The following TARBP1 variants were observed in gnomAD, a reference collection of about 807,000 sequenced individuals.
TARBP1 encodes tRNA guanosine 2 -O-methyltransferase TARBP1, also known as tRNA (guanosine(18)-2'-O)-methyltransferase TARBP1.
A neutral mutation model predicts 178.6 loss-of-function variants in TARBP1; 144 were observed. That is an observed-to-expected ratio of 0.81 (90% CI 0.70 to 0.93). TARBP1 has a LOEUF of 0.93. Among genes scored for constraint, TARBP1 ranks in the 40% least tolerant of loss-of-function variants. TARBP1 has a pLI of 0.00. For synonymous variants in TARBP1, 787 were observed against 781.0 expected (o/e 1.01, Z -0.13); for missense variants, 2,067 against 2,011.7 (o/e 1.03, Z -0.53).
Position 234,391,591 on chromosome 1 carries a change from C to G in TARBP1, c.4852G>C (p.Asp1618His). ...YTRQQLLSHG[D>H]TKP ...AGGAAGGCACATCATGGCTTGGTAT[C>G]TCCGTGCGAGAGCAGCTGCTGCCTG... The change falls in exon 30 of 30, where the codon GAT becomes CAT. Residue 1618 changes from aspartate to histidine, a missense_variant. By Grantham distance (81) the Asp-to-His change is moderately conservative (BLOSUM62 -1). Transcript: ENST00000040877. 6.2e-7 allele frequency: 1 copy of G among 1,611,650 alleles called. No individual in the cohort carries two copies. Among genetic ancestry groups the G allele is most frequent in the Non-Finnish European group, 8.5e-7 (1 of 1,178,950 alleles).
At chr1:234,412,619 T>C (rs889930748) in intron 22 of TARBP1, among the ~76,000 whole-genome samples, 30 of 152,130 alleles carry the variant, frequency 2.0e-4, no homozygotes, top group Admixed American at 3.3e-4. Flanking sequence ...CAGTGATCTA[T>C]AATTGCCGGG....
intron 28 of TARBP1, 119 bp downstream of exon 28, chr1:234,393,243 T>C (rs750524336): frequency 9.2e-7 from 1 of 1,086,580 alleles, no homozygotes; most frequent in Non-Finnish European, 1.2e-6. Context: ...TACACAAAGA[T>C]AGAGCACTAT....
At chr1:234,420,410 A>C (rs1190956116) in intron 21 of TARBP1, among the ~76,000 whole-genome samples, 1 of 152,208 alleles carries the variant, frequency 6.6e-6, no homozygotes, top group African/African-American at 2.4e-5. Flanking sequence ...TTTTCTAATC[A>C]AATGGCAAAT....
At chr1:234,430,449 G>A (rs2236588) in intron 14 of TARBP1, 148 bp from the exon 15 acceptor site, 84,460 of 673,856 alleles carry the variant, frequency 0.13, 6,170 homozygotes, top group Middle Eastern at 0.27. Context: ...AGGAAATCCA[G>A]TACACATCAT....
intron 2 of TARBP1, 65 bp from the exon 3 acceptor site, chr1:234,471,322 T>C: frequency 2.8e-6 from 3 of 1,063,048 alleles, no homozygotes; most frequent in Non-Finnish European, 4.3e-6. Context: ...CAGGCAATTT[T>C]CATCTCTTTA....
Position 234,430,185 on chromosome 1 carries a change from G to A in TARBP1, c.2511C>T (p.Pro837=). 1 of 1,614,196 alleles carries A rather than the reference G, an allele frequency of 6.2e-7. No individual in the cohort carries two copies. The highest frequency in any genetic ancestry group is 8.5e-7 in the Non-Finnish European group (1 of 1,180,036). The part of the protein sequence containing the change: ...ELQLDSLHAG[P]LESFLSSLQL... ...GAAGAGAGGAAAGGAAGCTTTCCAG[G>A]GGCCCAGCATGGAGAGAGTCCAGCT... The change falls in exon 15 of 30, where the codon CCC becomes CCT. Residue 837 remains proline, a synonymous_variant. Coordinates refer to ENST00000040877, the MANE Select transcript of TARBP1 (RefSeq NM_005646.4).
chr1:234,443,941 T>C (rs1038881555), intron 12 of TARBP1, among the ~76,000 whole-genome samples: 16 of 152,160 alleles, frequency 1.1e-4, no homozygotes, highest in African/African-American at 3.1e-4. Context: ...AGAATGGTGA[T>C]TGCCAGGGCC....
intron 9 of TARBP1, among the ~76,000 whole-genome samples, chr1:234,454,824 G>A (rs1036455771): frequency 1.3e-5 from 2 of 152,186 alleles, no homozygotes; most frequent in African/African-American, 4.8e-5. Flanking sequence ...ACCTGTGAAT[G>A]TTACCTTATG....
intron 4 of TARBP1, among the ~76,000 whole-genome samples, chr1:234,466,262 A>C (rs1668421265): frequency 6.6e-6 from 1 of 152,216 alleles, no homozygotes; most frequent in Admixed American, 6.5e-5. Flanking sequence ...CTATAATCCC[A>C]GCACTTTGGG....
chr1:234,450,190 T>C (rs530753885), intron 10 of TARBP1, among the ~76,000 whole-genome samples: 2 of 152,254 alleles, frequency 1.3e-5, no homozygotes, highest in African/African-American at 4.8e-5. Context: ...GGCAACTTAT[T>C]AGTTTCCTTA....
At chr1:234,430,348 A>C in intron 14 of TARBP1, 47 bp from the exon 15 acceptor site, 1 of 1,555,716 alleles carries the variant, frequency 6.4e-7, no homozygotes, top group Non-Finnish European at 8.8e-7. Context: ...CACAAGTCTT[A>C]ATCAGTAATG....
rs1469898860 is a variant in TARBP1 at position 234,398,609 on chromosome 1, T to C, written c.4072-56A>G. The C allele has an allele frequency of 6.2e-6, 8 of 1,288,794 alleles. No homozygotes were observed. In the East Asian group the frequency reaches 2.1e-4, roughly 34 times the overall value. The allele number at this position is 1,288,794 out of a possible 1,614,324, so 79.8% of individuals were successfully genotyped here. A position where few individuals can be genotyped will look rare whatever the true frequency, so the allele number is the denominator to read the frequency against. ...TTCCCTTAAGAATAACAAAGAAATA[T>C]ATAACATTTAAAATACAACTTAATT... On this transcript the variant is annotated intron_variant, in intron 25 of 29. Transcript: ENST00000040877.
At position 234,401,195 on chromosome 1, in the gene TARBP1, C is replaced by A; in HGVS notation, c.4057G>T (p.Asp1353Tyr). 2 of 1,613,082 alleles carry A rather than the reference C, an allele frequency of 1.2e-6. No individual in the cohort carries two copies. Among genetic ancestry groups the A allele is most frequent in the Middle Eastern group, 1.7e-4 (1 of 6,046 alleles). Reference sequence around the variant, plus strand: ...TCTCTACTCACCTCTAGACAATAATCCTTGAGTGGGTGAAATGTTGCAAAA... The same window carrying A: ...TCTCTACTCACCTCTAGACAATAATACTTGAGTGGGTGAAATGTTGCAAAA... ...FFFATFHPLK[D>Y]YCLETIFYIL... Residue 1353 changes from aspartate (D) to tyrosine (Y), a missense_variant, in exon 25 of 30, where the codon GAT becomes TAT. Coordinates refer to ENST00000040877, the MANE Select transcript of TARBP1 (RefSeq NM_005646.4).
chr1:234,427,369 T>A lies in TARBP1; in HGVS notation c.3271A>T (p.Thr1091Ser). ...TCATGTCCAAGGTTTTCTATGAAGG[T>A]CTGTACATCCTGAACAAGTCTTTCC... ...RDQRLVQDVQ[T>S]FIENLGHDCA... Residue 1091 changes from threonine to serine, a missense_variant, in exon 19 of 30, where the codon ACC becomes TCC. Coordinates refer to ENST00000040877, the MANE Select transcript of TARBP1 (RefSeq NM_005646.4). 6.2e-7 allele frequency: 1 copy of A among 1,611,998 alleles called. No individual in the cohort carries two copies. Among genetic ancestry groups the A allele is most frequent in the South Asian group, 1.1e-5 (1 of 90,472 alleles).
rs995409953 is a variant in TARBP1 at position 234,478,842 on chromosome 1, G to T, written c.262C>A (p.Leu88Met). 8.5e-5 allele frequency: 104 copies of T among 1,225,932 alleles called. No individual in the cohort carries two copies. The highest frequency in any genetic ancestry group is 9.6e-5 in the Non-Finnish European group (95 of 985,902). 75.9% of individuals were successfully genotyped at this position (1,225,932 alleles called of 1,614,324 possible). ...ACGCGCCGGCGGTGGCGAGGCTGCA[G>T]ACTGGGGTCCGGGCCGCCCGCGGGG... The part of the protein sequence containing the change: ...GRPAGGPDPS[L>M]QPRHRRRVLR... The change falls in exon 1 of 30, where the codon CTG becomes ATG. Residue 88 changes from leucine to methionine, a missense_variant. Leu to Met is a conservative substitution (Grantham distance 15). Transcript: ENST00000040877.
chr1:234,439,320 A>G (rs1171371013), intron 12 of TARBP1, among the ~76,000 whole-genome samples: 5 of 152,210 alleles, frequency 3.3e-5, no homozygotes, highest in Non-Finnish European at 7.3e-5. Flanking sequence ...ATGTAAATAT[A>G]AGACAACTAC....
intron 9 of TARBP1, among the ~76,000 whole-genome samples, chr1:234,456,475 C>T (rs375501703): frequency 6.6e-6 from 1 of 152,154 alleles, no homozygotes; most frequent in Non-Finnish European, 1.5e-5. Flanking sequence ...TGCCACTGTG[C>T]CCAGCCCAGT....
At chr1:234,470,504 C>T (rs748876189) in intron 3 of TARBP1, among the ~76,000 whole-genome samples, 19 of 152,190 alleles carry the variant, frequency 1.2e-4, no homozygotes, top group African/African-American at 2.6e-4. Flanking sequence ...GTGGTAGGTG[C>T]GTCACACACA....
intron 20 of TARBP1, among the ~76,000 whole-genome samples, chr1:234,423,151 C>G (rs1399977270): frequency 6.6e-6 from 1 of 152,182 alleles, no homozygotes; most frequent in Non-Finnish European, 1.5e-5. Context: ...TTTTCTAGTC[C>G]GTTTTCCAAA....
Sources: gnomAD v4.1 joint callset for allele counts (sites outside exome capture counted in the v4.1 genomes callset) on GRCh38, gnomAD v4.1.1 for gene constraint, MANE v1.5 for transcripts, NCBI Gene and HGNC (gene_info 2026-07-23, HGNC 2026-07-21) for gene names.